SUSD4: variants seen among roughly 807,000 people sequenced by gnomAD.
The protein encoded by SUSD4 is sushi domain containing 4, also known as sushi domain-containing protein 4.
Under a neutral mutation model 50.5 loss-of-function variants are expected in SUSD4, and 41 were observed. The ratio of observed to expected loss-of-function variants is 0.81; its 90% CI spans 0.63 to 1.05. The LOEUF is 1.05. Among genes scored for constraint, SUSD4 ranks in the 50% least tolerant of loss-of-function variants. The pLI, the probability that SUSD4 is intolerant of heterozygous loss-of-function variation, is 0.00. For synonymous variants in SUSD4, 257 were observed against 257.3 expected (o/e 1.00, Z 0.01); for missense variants, 580 against 634.7 (o/e 0.91, Z 0.93).
At chr1:223,350,514 C>T (rs1668300513) in intron 2 of SUSD4, among the ~76,000 whole-genome samples, 2 of 152,224 alleles carry the variant, frequency 1.3e-5, no homozygotes, top group African/African-American at 2.4e-5. Context: ...GACATCAATC[C>T]TCTCACGGTC....
At chr1:223,329,116 C>G (rs536905946) in intron 2 of SUSD4, among the ~76,000 whole-genome samples, 1 of 152,254 alleles carries the variant, frequency 6.6e-6, no homozygotes, top group East Asian at 1.9e-4. Flanking sequence ...TCTCCAGCTC[C>G]CTGACCTCTC....
At chr1:223,364,532 C>A (rs1243911727), upstream of SUSD4, among the ~76,000 whole-genome samples, 2 of 149,872 alleles carry the variant, frequency 1.3e-5, no homozygotes, top group Non-Finnish European at 3.0e-5. The surrounding 1 kb of genome is among the most constrained non-coding windows in gnomAD (Gnocchi z 4.5). Context: ...CCTGTCGGGG[C>A]GCGAGGCGCC....
chr1:223,268,047 A>ATATATATATG (rs1558197309), intron 4 of SUSD4, among the ~76,000 whole-genome samples: 21 of 59,708 alleles, frequency 3.5e-4, no homozygotes, highest in African/African-American at 1.1e-3. Context: ...ATATATACAC[A>ATATATATATG]CACACTGTTA....
chr1:223,254,769 A>C (rs1661577147), intron 5 of SUSD4, among the ~76,000 whole-genome samples: 1 of 152,256 alleles, frequency 6.6e-6, no homozygotes, highest in African/African-American at 2.4e-5. Context: ...GTGACCAAGA[A>C]GAGGAGGAAG....
chr1:223,253,387 T>G (rs924204694), intron 5 of SUSD4, among the ~76,000 whole-genome samples: 8 of 151,924 alleles, frequency 5.3e-5, no homozygotes, highest in African/African-American at 1.9e-4. Context: ...GGTTACCATT[T>G]CTATGAAAAA....
At chr1:223,354,995 T>C (rs916231171) in intron 2 of SUSD4, among the ~76,000 whole-genome samples, 1 of 152,100 alleles carries the variant, frequency 6.6e-6, no homozygotes, top group Admixed American at 6.6e-5. Flanking sequence ...TCTTACTCTG[T>C]CCCCTAGGCT....
At chr1:223,270,808 C>T (rs1212316155) in intron 3 of SUSD4, among the ~76,000 whole-genome samples, 4 of 152,220 alleles carry the variant, frequency 2.6e-5, no homozygotes, top group Admixed American at 1.3e-4. Context: ...ACCTCATGAT[C>T]CCTTGGCATC....
chr1:223,243,082 G>A (rs851213), intron 5 of SUSD4, among the ~76,000 whole-genome samples: 3,937 of 152,170 alleles, frequency 0.026, 180 homozygotes, highest in African/African-American at 0.089. Flanking sequence ...CCCATGATGG[G>A]CAGCCGGGTG....
At chr1:223,363,566 A>ACCCTTAACATTTTTTCCTTCATT in intron 1 of SUSD4, 106 bp from the exon 2 acceptor site, 1 of 1,292,512 alleles carries the variant, frequency 7.7e-7, no homozygotes, top group Non-Finnish European at 1.0e-6. Context: ...CCCAGGCTCC[A>ACCCTTAACATTTTTTCCTTCATT]TCCTGGTTCC....
intron 7 of SUSD4, 131 bp from the exon 8 acceptor site, chr1:223,223,762 A>G: frequency 1.7e-6 from 2 of 1,144,244 alleles, no homozygotes. Context: ...GGAGGATAAT[A>G]TGGAAGAACC....
At chr1:223,347,030 T>C (rs573100135) in intron 2 of SUSD4, among the ~76,000 whole-genome samples, 29 of 152,334 alleles carry the variant, frequency 1.9e-4, no homozygotes, top group African/African-American at 7.0e-4. Context: ...CTACTTTTTT[T>C]TTCTGTGTGA....
chr1:223,308,073 CT>C (rs1403740251), intron 2 of SUSD4, among the ~76,000 whole-genome samples: 2 of 152,060 alleles, frequency 1.3e-5, no homozygotes, highest in South Asian at 2.1e-4. Flanking sequence ...GTGTTTTCAT[CT>C]TTTTTTAAGG....
intron 2 of SUSD4, among the ~76,000 whole-genome samples, chr1:223,343,103 T>A (rs1313582125): frequency 2.0e-5 from 3 of 152,202 alleles, no homozygotes; most frequent in African/African-American, 7.2e-5. Flanking sequence ...CCAGGCACAC[T>A]GGCCTTCTTT....
rs1180758862 is a variant in SUSD4, at chr1:223,221,754, C to T, written c.*438G>A. ...ACACAAACTTTCTGCAGAGGCTGAC[C>T]CATCCAAATTTGGAGTCCAGAGACA... On this transcript the variant is annotated 3_prime_UTR_variant, in exon 9 of 9. Coordinates refer to ENST00000366878, the MANE Select transcript of SUSD4 (RefSeq NM_017982.4). The T allele has an allele frequency of 6.3e-6, 1 of 158,558 alleles. No individual in the cohort carries two copies. The highest frequency in any genetic ancestry group is 2.4e-5 in the African/African-American group (1 of 41,728). 9.8% of individuals were successfully genotyped at this position (158,558 alleles called of 1,614,324 possible).
chr1:223,334,750 A>G (rs1222886522), intron 2 of SUSD4, among the ~76,000 whole-genome samples: 1 of 152,108 alleles, frequency 6.6e-6, no homozygotes, highest in Non-Finnish European at 1.5e-5. Context: ...TTACATGAGT[A>G]AGTTCTTTAG....
intron 2 of SUSD4, among the ~76,000 whole-genome samples, chr1:223,361,815 G>A (rs560117268): frequency 6.6e-6 from 1 of 152,334 alleles, no homozygotes; most frequent in African/African-American, 2.4e-5. Context: ...GAGAGGAGGG[G>A]AGGAAATGAT....
chr1:223,313,170 A>G (rs565163763), intron 2 of SUSD4, among the ~76,000 whole-genome samples: 3 of 152,302 alleles, frequency 2.0e-5, no homozygotes, highest in East Asian at 3.9e-4. Context: ...TGGCCATGCC[A>G]GAAAGATCAA....
chr1:223,307,779 T>C (rs1665633066), intron 2 of SUSD4, among the ~76,000 whole-genome samples: 1 of 152,218 alleles, frequency 6.6e-6, no homozygotes. Flanking sequence ...AGTACATGCT[T>C]AGTCAAGCAA....
At chr1:223,329,718 C>T (rs966103009) in intron 2 of SUSD4, among the ~76,000 whole-genome samples, 2 of 151,844 alleles carry the variant, frequency 1.3e-5, no homozygotes, top group South Asian at 2.1e-4. Flanking sequence ...GATGGATGAA[C>T]GATAGCACTG....
Sources: allele counts gnomAD v4.1 joint callset (sites outside exome capture counted in the v4.1 genomes callset), GRCh38; gene constraint gnomAD v4.1.1; non-coding constraint Gnocchi (gnomAD v3.1); transcripts MANE v1.5; gene names NCBI Gene and HGNC (gene_info 2026-07-23, HGNC 2026-07-21).